Variants in ATP10B observed in about 807,000 individuals in gnomAD.
ATP10B encodes the protein ATPase phospholipid transporting 10B (putative).
ATP10B carries 122 observed loss-of-function variants against 141.2 expected under a neutral mutation model. The observed-to-expected ratio is 0.86, with a 90% CI of 0.75 to 1.00. The LOEUF (loss-of-function observed/expected upper bound fraction) is 1.00, where lower values mean the gene tolerates loss of function less well. Among genes scored for constraint, ATP10B ranks in the 50% least tolerant of loss-of-function variants. The pLI is 0.00. For missense variants in ATP10B, 1,876 were observed against 1,825.3 expected (o/e 1.03, Z -0.51); for synonymous variants, 685 against 692.0 (o/e 0.99, Z 0.16).
chr5:160,831,410 A>G (rs2127977065), intron 1 of ATP10B, among the ~76,000 whole-genome samples: 1 of 152,220 alleles, frequency 6.6e-6, no homozygotes, highest in African/African-American at 2.4e-5. Flanking sequence ...TTAAATAAGC[A>G]GGAGACTTTC....
chr5:160,906,329 A>G, the ATP10B span, among the ~76,000 whole-genome samples: 1 of 152,076 alleles, frequency 6.6e-6, no homozygotes, highest in African/African-American at 2.4e-5. Context: ...CTGGGAAAAA[A>G]AAAACAATCG....
chr5:160,871,964 T>A, the ATP10B span, among the ~76,000 whole-genome samples: 1 of 152,186 alleles, frequency 6.6e-6, no homozygotes, highest in Non-Finnish European at 1.5e-5. Context: ...ATTTAAGGAA[T>A]ATCCCCACTG....
intron 7 of ATP10B, among the ~76,000 whole-genome samples, chr5:160,658,330 G>T (rs1761650742): frequency 1.3e-5 from 2 of 152,216 alleles, no homozygotes. Context: ...GCAGAGAGAG[G>T]TCAGAAGGGA....
At position 160,622,605 on chromosome 5, in the gene ATP10B, A is replaced by G; in HGVS notation, c.1621-20T>C. On this transcript the variant is annotated intron_variant, in intron 13 of 25. Transcript: ENST00000327245. ...TTTTTCCTGGAAGAGAAAGGCCAGA[A>G]TGAGAGTCTTTTCTGGGAAGGAAGC... 2 of 1,598,622 alleles carry G rather than the reference A, an allele frequency of 1.3e-6. No homozygotes were observed. The highest frequency in any genetic ancestry group is 4.5e-5 in the East Asian group (2 of 44,664).
chr5:160,649,652 T>C (rs1760560017), intron 7 of ATP10B, among the ~76,000 whole-genome samples: 1 of 152,190 alleles, frequency 6.6e-6, no homozygotes, highest in Non-Finnish European at 1.5e-5. Flanking sequence ...ATTGTTTTCT[T>C]AAAAAATTTA....
At chr5:160,921,291 TTAATA>T in the ATP10B span, among the ~76,000 whole-genome samples, 1 of 151,990 alleles carries the variant, frequency 6.6e-6, no homozygotes, top group South Asian at 2.1e-4. Flanking sequence ...TTTTTTTTAC[TTAATA>T]TATCTTAAAG....
intron 1 of ATP10B, among the ~76,000 whole-genome samples, chr5:160,824,226 C>T (rs1211425674): frequency 6.6e-6 from 1 of 152,084 alleles, no homozygotes; most frequent in Non-Finnish European, 1.5e-5. Context: ...CCATGTTAGC[C>T]AGGATGGTCT....
chr5:160,770,270 C>G (rs549045709), intron 2 of ATP10B, among the ~76,000 whole-genome samples: 1 of 151,774 alleles, frequency 6.6e-6, no homozygotes, highest in East Asian at 1.9e-4. Flanking sequence ...GGCTAGTTGC[C>G]CTTCCTCTGC....
chr5:160,864,278 T>C, the ATP10B span, among the ~76,000 whole-genome samples: 1 of 151,928 alleles, frequency 6.6e-6, no homozygotes, highest in African/African-American at 2.4e-5. Context: ...GTTTAACATA[T>C]ACAAGTCAAT....
the ATP10B span, among the ~76,000 whole-genome samples, chr5:160,923,604 T>C: frequency 6.6e-6 from 1 of 152,220 alleles, no homozygotes; most frequent in Non-Finnish European, 1.5e-5. Context: ...AAGAGGATGA[T>C]GTCCAAGCTT....
intron 2 of ATP10B, among the ~76,000 whole-genome samples, chr5:160,743,011 T>C (rs986203634): frequency 6.6e-6 from 1 of 152,194 alleles, no homozygotes. Context: ...ATCGCAAAGA[T>C]GATAGAGGTA....
At chr5:160,889,982 G>A in the ATP10B span, among the ~76,000 whole-genome samples, 1 of 152,110 alleles carries the variant, frequency 6.6e-6, no homozygotes, top group African/African-American at 2.4e-5. Context: ...CTTCCCTAGT[G>A]AATTCTTTGG....
At chr5:160,770,442 T>TTTTTCC (rs1581499316) in intron 2 of ATP10B, among the ~76,000 whole-genome samples, 1 of 152,164 alleles carries the variant, frequency 6.6e-6, no homozygotes. Flanking sequence ...GAACACATTT[T>TTTTTCC]TTTTCCTTTT....
At chr5:160,693,451 C>G (rs2127752918) in intron 3 of ATP10B, among the ~76,000 whole-genome samples, 1 of 146,696 alleles carries the variant, frequency 6.8e-6, no homozygotes, top group Non-Finnish European at 1.5e-5. Flanking sequence ...CACACACACA[C>G]ACACAGTGGT....
chr5:160,721,920 AC>A, intron 2 of ATP10B, among the ~76,000 whole-genome samples: 1 of 152,302 alleles, frequency 6.6e-6, no homozygotes, highest in South Asian at 2.1e-4. Flanking sequence ...GATCCAGACT[AC>A]CTGGATGCAA....
intron 24 of ATP10B, among the ~76,000 whole-genome samples, chr5:160,586,352 TACC>T (rs1267084655): frequency 6.6e-6 from 1 of 152,224 alleles, no homozygotes; most frequent in Non-Finnish European, 1.5e-5. Flanking sequence ...TGTGTGTGTG[TACC>T]ACATTTTCTT....
chr5:160,909,905 A>G, the ATP10B span, among the ~76,000 whole-genome samples: 5 of 152,318 alleles, frequency 3.3e-5, no homozygotes, highest in African/African-American at 1.2e-4. Flanking sequence ...AAAGCAGAAC[A>G]ACGACTGTCA....
chr5:160,646,809 G>A (rs1209144991), intron 8 of ATP10B, among the ~76,000 whole-genome samples: 1 of 152,188 alleles, frequency 6.6e-6, no homozygotes, highest in Non-Finnish European at 1.5e-5. Context: ...TCTTATAGCT[G>A]TTGTCTATTT....
chr5:160,681,078 C>T lies in ATP10B; in HGVS notation c.470+5001G>A, dbSNP rs77705906. Among the ~76,000 whole-genome samples the T allele has an allele frequency of 4.7e-3, 711 of 152,202 alleles. 7 individuals carry two copies. Among genetic ancestry groups the T allele is most frequent in the African/African-American group, 0.016 (682 of 41,498 alleles). On this transcript the variant is annotated intron_variant, in intron 6 of 25. Coordinates refer to ENST00000327245, the MANE Select transcript of ATP10B (RefSeq NM_025153.3). ...CTGATTGAACCATGCTGATCACCCT[C>T]CTACCTCAGGACACTTGTAATGACT...
Sources: allele counts gnomAD v4.1 joint callset (sites outside exome capture counted in the v4.1 genomes callset), GRCh38; gene constraint gnomAD v4.1.1; transcripts MANE v1.5; gene names NCBI Gene and HGNC (gene_info 2026-07-23, HGNC 2026-07-21).